The following TMEM45B variants were observed in gnomAD, a reference collection of about 807,000 sequenced individuals.
TMEM45B encodes the protein transmembrane protein 45B.
In TMEM45B, 29 loss-of-function variants were observed where a neutral mutation model predicts 27.3. That is an observed-to-expected ratio of 1.06 (90% CI 0.79 to 1.45). The LOEUF is 1.45. Among genes scored for constraint, TMEM45B ranks in the 40% most tolerant of loss-of-function variants. TMEM45B has a pLI of 0.00. For missense variants in TMEM45B, 348 were observed against 343.9 expected (o/e 1.01, Z -0.09); for synonymous variants, 143 against 134.7 (o/e 1.06, Z -0.43).
intron 1 of TMEM45B, among the ~76,000 whole-genome samples, chr11:129,833,672 G>T (rs1422862654): frequency 1.3e-5 from 2 of 152,142 alleles, no homozygotes; most frequent in African/African-American, 2.4e-5. Context: ...CTACTCAGGA[G>T]GCTGAGGCAG....
At chr11:129,827,711 G>A (rs1184992295) in intron 1 of TMEM45B, among the ~76,000 whole-genome samples, 1 of 152,122 alleles carries the variant, frequency 6.6e-6, no homozygotes, top group Admixed American at 6.5e-5. Flanking sequence ...GCTGAGACAG[G>A]AGAATAGCTT....
In TMEM45B at chr11:129,858,669, G is replaced by T; in HGVS notation, c.812G>T (p.Gly271Val). The change falls in exon 6 of 6, where the codon GGC becomes GTC. Residue 271 changes from glycine (G) to valine (V), a missense_variant. Coordinates refer to ENST00000281441, the MANE Select transcript of TMEM45B (RefSeq NM_138788.5). ...DDTYQTALLS[G>V]SDEE ...ACTTACCAGACCGCCCTCTTGAGTG[G>T]CTCAGATGAGGAATGAGCCGAGATG... 2 of 1,562,446 alleles carry T rather than the reference G, an allele frequency of 1.3e-6. No homozygotes were observed. Among genetic ancestry groups the T allele is most frequent in the Non-Finnish European group, 1.7e-6 (2 of 1,151,716 alleles).
intron 1 of TMEM45B, among the ~76,000 whole-genome samples, chr11:129,847,454 G>C (rs1565370776): frequency 6.6e-6 from 1 of 150,686 alleles, no homozygotes; most frequent in Non-Finnish European, 1.5e-5. Flanking sequence ...GTTTCTCGCA[G>C]AGGGGGATTT....
At chr11:129,827,039 C>A (rs1017135708) in intron 1 of TMEM45B, 1 of 152,236 alleles carries the variant, frequency 6.6e-6, no homozygotes, top group African/African-American at 2.4e-5. Flanking sequence ...AGCAAAACTG[C>A]CTAATTTTCA....
At chr11:129,843,605 G>GAAAA (rs148673798) in intron 1 of TMEM45B, among the ~76,000 whole-genome samples, 1 of 137,056 alleles carries the variant, frequency 7.3e-6, no homozygotes. Context: ...TCTGCTTTGA[G>GAAAA]AAAAAAAAAA....
intron 1 of TMEM45B, among the ~76,000 whole-genome samples, chr11:129,837,426 C>T (rs1252625309): frequency 6.6e-6 from 1 of 151,562 alleles, no homozygotes; most frequent in African/African-American, 2.4e-5. Flanking sequence ...GCTGGGATTA[C>T]AGGTGCCCAC....
At chr11:129,843,244 C>T (rs1194135628) in intron 1 of TMEM45B, among the ~76,000 whole-genome samples, 2 of 152,152 alleles carry the variant, frequency 1.3e-5, no homozygotes, top group Non-Finnish European at 2.9e-5. Flanking sequence ...TGTGCCCAGC[C>T]TATTTTAGAC....
intron 1 of TMEM45B, among the ~76,000 whole-genome samples, chr11:129,836,123 TAA>T (rs879428065): frequency 1.4e-5 from 2 of 146,692 alleles, no homozygotes; most frequent in Non-Finnish European, 3.0e-5. Context: ...CATTTCAAAT[TAA>T]AAAAAAAAAA....
chr11:129,835,637 A>T (rs1047601245), intron 1 of TMEM45B, among the ~76,000 whole-genome samples: 40 of 152,234 alleles, frequency 2.6e-4, no homozygotes, highest in Admixed American at 2.0e-3. Flanking sequence ...CCTTGGGCCC[A>T]GGCACACAGA....
At chr11:129,816,187 G>T (rs1947348146) in intron 1 of TMEM45B, among the ~76,000 whole-genome samples, 1 of 152,146 alleles carries the variant, frequency 6.6e-6, no homozygotes, top group African/African-American at 2.4e-5. Context: ...CCTCTGTCCG[G>T]CTGGCCGCGG....
rs1947431847 is a variant in TMEM45B at position 129,822,612 on chromosome 11, T to C, written c.-9+6714T>C. Reference sequence around the variant, plus strand: ...TGTATTTATTATGTCATCTGCTTAATAGCGGAGGTTCTTGTTGTAAGGTGG... The same window carrying C: ...TGTATTTATTATGTCATCTGCTTAACAGCGGAGGTTCTTGTTGTAAGGTGG... On this transcript the variant is annotated intron_variant, in intron 1 of 5. Coordinates refer to ENST00000281441, the MANE Select transcript of TMEM45B (RefSeq NM_138788.5). Among the ~76,000 whole-genome samples the C allele has an allele frequency of 2.0e-5, 3 of 152,334 alleles. No individual in the cohort carries two copies. The South Asian group carries it at 6.2e-4, about 32-fold the overall frequency.
chr11:129,854,493 CG>C (rs1947891869), intron 2 of TMEM45B, 116 bp from the exon 3 acceptor site: 1 of 990,474 alleles, frequency 1.0e-6, no homozygotes, highest in African/African-American at 1.6e-5. Flanking sequence ...TGCTGACCCG[CG>C]GGCCACCCTC....
At chr11:129,820,640 A>G (rs549492464) in intron 1 of TMEM45B, among the ~76,000 whole-genome samples, 1 of 152,284 alleles carries the variant, frequency 6.6e-6, no homozygotes, top group South Asian at 2.1e-4. Flanking sequence ...GGTTGCGGGA[A>G]TACATTTTGA....
chr11:129,843,079 A>G (rs1404409528), intron 1 of TMEM45B, among the ~76,000 whole-genome samples: 1 of 152,204 alleles, frequency 6.6e-6, no homozygotes, highest in East Asian at 1.9e-4. Flanking sequence ...GGCTGGAACT[A>G]CAGGCATGCG....
intron 1 of TMEM45B, among the ~76,000 whole-genome samples, chr11:129,847,784 C>T (rs1947783353): frequency 6.6e-6 from 1 of 152,160 alleles, no homozygotes; most frequent in African/African-American, 2.4e-5. Flanking sequence ...ATGTCTACTT[C>T]TTTCTACACA....
intron 1 of TMEM45B, among the ~76,000 whole-genome samples, chr11:129,835,186 T>C (rs1254929989): frequency 6.6e-6 from 1 of 152,182 alleles, no homozygotes; most frequent in Non-Finnish European, 1.5e-5. Flanking sequence ...GAACCAAAAC[T>C]TGAAGATTTG....
chr11:129,824,789 G>A (rs1947459187), intron 1 of TMEM45B, among the ~76,000 whole-genome samples: 1 of 152,238 alleles, frequency 6.6e-6, no homozygotes, highest in Non-Finnish European at 1.5e-5. Context: ...ATCATGGTAT[G>A]TATGAGGTCC....
At chr11:129,848,874 A>G (rs952705429) in intron 1 of TMEM45B, among the ~76,000 whole-genome samples, 2 of 151,948 alleles carry the variant, frequency 1.3e-5, no homozygotes, top group African/African-American at 4.8e-5. Flanking sequence ...AAGGGAAGCA[A>G]CTCCCTCCAT....
chr11:129,848,136 A>G (rs376588415), intron 1 of TMEM45B, among the ~76,000 whole-genome samples: 103 of 151,688 alleles, frequency 6.8e-4, no homozygotes, highest in Middle Eastern at 3.4e-3. Flanking sequence ...AGAGGCTGCA[A>G]TCTCGGCACT....
Sources: gnomAD v4.1 joint callset for allele counts (sites outside exome capture counted in the v4.1 genomes callset) on GRCh38, gnomAD v4.1.1 for gene constraint, MANE v1.5 for transcripts, NCBI Gene and HGNC (gene_info 2026-07-23, HGNC 2026-07-21) for gene names.